Variants in CLN8 observed in about 807,000 individuals in gnomAD.
CLN8 encodes CLN8 transmembrane ER and ERGIC protein.
Under a neutral mutation model 15.7 loss-of-function variants are expected in CLN8, and 14 were observed. The ratio of observed to expected loss-of-function variants is 0.89; its 90% CI spans 0.59 to 1.39. The LOEUF (loss-of-function observed/expected upper bound fraction) is 1.39. CLN8 is among the 40% of genes most tolerant of loss of function. The pLI is 0.00. For synonymous variants in CLN8, 188 were observed against 151.0 expected (o/e 1.25, Z -1.80); for missense variants, 415 against 364.0 (o/e 1.14, Z -1.14).
upstream of CLN8, among the ~76,000 whole-genome samples, chr8:1,760,778 G>A (rs1800773323): frequency 6.6e-6 from 1 of 152,208 alleles, no homozygotes. Context: ...ACTCAAGGCA[G>A]TCGCAGAGTG....
At chr8:1,776,700 G>A (rs1801531736) in intron 2 of CLN8, among the ~76,000 whole-genome samples, 1 of 152,228 alleles carries the variant, frequency 6.6e-6, no homozygotes, top group African/African-American at 2.4e-5. Flanking sequence ...ACTAGCAAAG[G>A]AAAACAGCGT....
In CLN8 at chr8:1,779,135, A is replaced by C. The variant is rs550192508; in HGVS notation, c.544-1115A>C. Among the ~76,000 whole-genome samples the C allele has an allele frequency of 1.4e-4, 22 of 152,358 alleles. No homozygotes were observed. In the South Asian group the frequency reaches 2.5e-3, roughly 17 times the overall value. On this transcript the variant is annotated intron_variant, in intron 2 of 2. Transcript: ENST00000331222. ...AGTGTGTATCATCTTTGCACCATAA[A>C]ATCAAACAATTGTAAGTCAAACCAT...
chr8:1,771,246 G>A lies in CLN8; in HGVS notation c.192G>A (p.Trp64Ter). The A allele has an allele frequency of 6.2e-7, 1 of 1,613,576 alleles. No homozygotes were observed. The highest frequency in any genetic ancestry group is 1.3e-5 in the African/African-American group (1 of 74,970). ...TGGTGGCCAGAGAGAAGGTCTTCTGGGACCTGGCGGCCACGCGTGCAGTCT... is the reference window on the plus strand; with the variant it reads ...TGGTGGCCAGAGAGAAGGTCTTCTGAGACCTGGCGGCCACGCGTGCAGTCT... Reference protein sequence around the residue: ...RSLVAREKVFWDLAATRAVFG... With the variant: ...RSLVAREKVF Residue 64 changes from tryptophan to a stop codon, truncating the protein, a stop_gained, in exon 2 of 3, where the codon TGG becomes TGA. Transcript: ENST00000331222. LOFTEE classifies it high-confidence loss of function.
At chr8:1,754,118 C>T (rs1800613801), upstream of CLN8, among the ~76,000 whole-genome samples, 1 of 152,132 alleles carries the variant, frequency 6.6e-6, no homozygotes, top group South Asian at 2.1e-4. Context: ...AAGTTAGCTC[C>T]CTGCAACCTT....
intron 2 of CLN8, among the ~76,000 whole-genome samples, chr8:1,774,173 C>A (rs1801423988): frequency 1.3e-5 from 2 of 152,156 alleles, no homozygotes; most frequent in African/African-American, 4.8e-5. Flanking sequence ...GGTGGTGGAG[C>A]CCAGCCTCCA....
At chr8:1,767,962 A>C (rs1248368483) in intron 1 of CLN8, among the ~76,000 whole-genome samples, 1 of 146,924 alleles carries the variant, frequency 6.8e-6, no homozygotes, top group Non-Finnish European at 1.5e-5. Context: ...TTTTTTTTTG[A>C]GATGGAGTTT....
At chr8:1,753,722 A>G (rs957835221), upstream of CLN8, among the ~76,000 whole-genome samples, 6 of 151,304 alleles carry the variant, frequency 4.0e-5, no homozygotes, top group Non-Finnish European at 7.4e-5. Flanking sequence ...CGTCTCTACT[A>G]AAAATACAAA....
Position 1,780,555 on chromosome 8 carries a change from G to A in CLN8, c.849G>A (p.Lys283=), listed in dbSNP as rs753758120. The A allele has an allele frequency of 1.9e-6, 3 of 1,613,970 alleles. No homozygotes were observed. The East Asian group carries it at 6.7e-5, about 36-fold the overall frequency. The change falls in exon 3 of 3, where the codon AAG becomes AAA. Residue 283 remains lysine (K), a synonymous_variant. Coordinates refer to ENST00000331222, the MANE Select transcript of CLN8 (RefSeq NM_018941.4). ...AAGGCAACGGGCAGCTGCTGCGGAA[G>A]AAGAGGCCATAGCTGCTCCAGCCGG... The part of the protein sequence containing the change: ...RPEGNGQLLR[K]KRP
At chr8:1,761,399 A>T (rs909695219), upstream of CLN8, among the ~76,000 whole-genome samples, 1 of 152,206 alleles carries the variant, frequency 6.6e-6, no homozygotes, top group Non-Finnish European at 1.5e-5. Flanking sequence ...ATTTCAGCAC[A>T]CTGCAACCTC....
In CLN8 at chr8:1,782,953, C is replaced by T. The variant is rs1024298774; in HGVS notation, c.*2386C>T. 6.6e-6 allele frequency: 1 copy of T among 152,256 alleles called. No homozygotes were observed. The highest frequency in any genetic ancestry group is 1.5e-5 in the Non-Finnish European group (1 of 68,072). The allele number at this position is 152,256 out of a possible 1,614,324, so 9.4% of individuals were successfully genotyped here. A position where few individuals can be genotyped will look rare whatever the true frequency, so the allele number is the denominator to read the frequency against. ...TGGAGGTGCTGTAGAGAAGCACAGG[C>T]TCACCCGCTCCGTCCAGTGTCACCC... On this transcript the variant is annotated 3_prime_UTR_variant, in exon 3 of 3. Coordinates refer to ENST00000331222, the MANE Select transcript of CLN8 (RefSeq NM_018941.4).
chr8:1,756,248 CT>C (rs2130944107), intron 1 of CLN8, among the ~76,000 whole-genome samples: 1 of 152,300 alleles, frequency 6.6e-6, no homozygotes, highest in South Asian at 2.1e-4. Flanking sequence ...CTTTGAGAGG[CT>C]GAGGCAGGCG....
rs376382403 is a variant in CLN8, at chr8:1,771,144, T to C, written c.90T>C (p.Ala30=). The change falls in exon 2 of 3, where the codon GCT becomes GCC. Residue 30 remains alanine (A), a synonymous_variant. Transcript: ENST00000331222. ...SWGIRSTLMV[A]GFVFYLGVFV... is the part of the protein sequence containing the mutation. ...GGATCCGCTCCACGCTGATGGTCGC[T>C]GGCTTTGTCTTCTACTTGGGCGTCT... The C allele has an allele frequency of 3.1e-6, 5 of 1,613,984 alleles. No individual in the cohort carries two copies. The African/African-American group carries it at 5.3e-5, about 17-fold the overall frequency.
chr8:1,771,458 T>G lies in CLN8; in HGVS notation c.404T>G (p.Leu135Arg). 1 of 1,614,250 alleles carries G rather than the reference T, an allele frequency of 6.2e-7. No homozygotes were observed. The highest frequency in any genetic ancestry group is 8.5e-7 in the Non-Finnish European group (1 of 1,180,042). ...ATCTTCCGGACATTTGACTTGTTTC[T>G]GGTTATCCACCATCTCTTTGCCTTT... ...NLIFRTFDLF[L>R]VIHHLFAFLG... The change falls in exon 2 of 3, where the codon CTG (leucine) becomes CGG (arginine). Residue 135 changes from leucine (L) to arginine (R), a missense_variant. By Grantham distance (102) the Leu-to-Arg change is moderately radical. Transcript: ENST00000331222.
At chr8:1,756,394 G>A (rs1446419693) in intron 1 of CLN8, among the ~76,000 whole-genome samples, 1 of 150,830 alleles carries the variant, frequency 6.6e-6, no homozygotes, top group African/African-American at 2.4e-5. Flanking sequence ...TGAGGCAGGA[G>A]AATTGCTTGA....
chr8:1,762,283 T>C (rs1800817335), upstream of CLN8: 1 of 152,222 alleles, frequency 6.6e-6, no homozygotes, highest in Non-Finnish European at 1.5e-5. Context: ...GCCTCCTGGG[T>C]TCAAGCAATT....
In CLN8 at chr8:1,786,154, A is replaced by C. The variant is rs1369487103; in HGVS notation, c.*5587A>C. 1 of 152,250 alleles carries C rather than the reference A, an allele frequency of 6.6e-6. No homozygotes were observed. The highest frequency in any genetic ancestry group is 1.5e-5 in the Non-Finnish European group (1 of 68,140). 9.4% of individuals were successfully genotyped at this position (152,250 alleles called of 1,614,324 possible). The stretch of plus-strand genomic sequence containing the variant: ...GGCTTTGCTCTGTGCAGAACCCAGC[A>C]CACGTGATTTTGTGTGACATGCCAG... On this transcript the variant is annotated 3_prime_UTR_variant, in exon 3 of 3. Transcript: ENST00000331222.
rs143152544 is a variant in CLN8, at chr8:1,779,255, T to C, written c.544-995T>C. Reference sequence around the variant, plus strand: ...CGTGTTAGAATTTTTTATTTTATTTTATTTTTTTGAGACAGTCTTGCTCTT... The same window carrying C: ...CGTGTTAGAATTTTTTATTTTATTTCATTTTTTTGAGACAGTCTTGCTCTT... On this transcript the variant is annotated intron_variant, in intron 2 of 2. Coordinates refer to ENST00000331222, the MANE Select transcript of CLN8 (RefSeq NM_018941.4). Among the ~76,000 whole-genome samples the C allele has an allele frequency of 1.4e-3, 209 of 152,346 alleles. 4 individuals carry two copies. The East Asian group carries it at 0.035, about 26-fold the overall frequency.
chr8:1,760,148 G>C (rs1402314265), upstream of CLN8: 1 of 152,116 alleles, frequency 6.6e-6, no homozygotes, highest in Non-Finnish European at 1.5e-5. Flanking sequence ...AGTGTGTGGA[G>C]GTGCACACAT....
rs1179191440 is a variant in CLN8 at position 1,786,392 on chromosome 8, C to T, written c.*5825C>T. On this transcript the variant is annotated 3_prime_UTR_variant, in exon 3 of 3. Transcript: ENST00000331222. The stretch of plus-strand genomic sequence containing the variant: ...TTCAGTTCACCCCTTTCTTTGCTAA[C>T]TTTCTTCCTATTTTCTTCTAATGCG... The T allele has an allele frequency of 6.6e-6, 1 of 152,250 alleles. No homozygotes were observed. The highest frequency in any genetic ancestry group is 1.5e-5 in the Non-Finnish European group (1 of 68,030). 9.4% of individuals were successfully genotyped at this position (152,250 alleles called of 1,614,324 possible). A position where few individuals can be genotyped will look rare whatever the true frequency, so the allele number is the denominator to read the frequency against.
Sources: allele counts gnomAD v4.1 joint callset (sites outside exome capture counted in the v4.1 genomes callset), GRCh38; gene constraint gnomAD v4.1.1; transcripts MANE v1.5; gene names NCBI Gene and HGNC (gene_info 2026-07-23, HGNC 2026-07-21).